Variants in DTYMK observed in about 807,000 individuals in gnomAD.
DTYMK encodes deoxythymidylate kinase, also known as thymidylate kinase.
A neutral mutation model predicts 20.3 loss-of-function variants in DTYMK; 20 were observed. The ratio of observed to expected loss-of-function variants is 0.99; its 90% CI spans 0.69 to 1.43. The LOEUF is 1.43. Among genes scored for constraint, DTYMK ranks in the 40% most tolerant of loss-of-function variants. The probability of loss-of-function intolerance (pLI) is 0.00; values close to 1 mark genes in which losing one functional copy is unlikely to be tolerated. For synonymous variants in DTYMK, 148 were observed against 124.4 expected (o/e 1.19, Z -1.27); for missense variants, 320 against 291.1 (o/e 1.10, Z -0.72).
At chr2:241,685,993 A>G in intron 1 of DTYMK, 116 bp from the exon 2 acceptor site, 1 of 1,078,042 alleles carries the variant, frequency 9.3e-7, no homozygotes, top group Non-Finnish European at 1.3e-6. Context: ...ATTTTACTTT[A>G]CTAAATCTCT....
At chr2:241,681,580 G>T (rs1311696496) in intron 2 of DTYMK, among the ~76,000 whole-genome samples, 2 of 152,166 alleles carry the variant, frequency 1.3e-5, no homozygotes, top group Non-Finnish European at 2.9e-5. Context: ...AATGTAAAAT[G>T]CAAAACTATG....
At chr2:241,680,100 G>T in intron 3 of DTYMK, 129 bp downstream of exon 3, 2 of 795,302 alleles carry the variant, frequency 2.5e-6, no homozygotes, top group South Asian at 3.6e-5. Context: ...CTAGCAAAGA[G>T]ATAAAAGGAA....
intron 2 of DTYMK, among the ~76,000 whole-genome samples, chr2:241,680,765 T>C (rs2069240081): frequency 6.6e-6 from 1 of 152,104 alleles, no homozygotes; most frequent in Non-Finnish European, 1.5e-5. Context: ...TTACTTTTAA[T>C]CCAAAAAGGT....
intron 2 of DTYMK, among the ~76,000 whole-genome samples, chr2:241,684,057 CA>C (rs989749744): frequency 2.0e-5 from 3 of 150,372 alleles, no homozygotes; most frequent in Non-Finnish European, 4.4e-5. Flanking sequence ...ACTCTTGTCT[CA>C]AAAAAAACCA....
chr2:241,686,000 C>T, intron 1 of DTYMK, 123 bp from the exon 2 acceptor site: 1 of 924,294 alleles, frequency 1.1e-6, no homozygotes, highest in Non-Finnish European at 1.6e-6. Flanking sequence ...TTTACTAAAT[C>T]TCTAGACAGG....
At chr2:241,684,389 C>G (rs1265828744) in intron 2 of DTYMK, among the ~76,000 whole-genome samples, 2 of 152,162 alleles carry the variant, frequency 1.3e-5, no homozygotes, top group Admixed American at 6.6e-5. Context: ...GTGGGGACAG[C>G]CTTTCCAAGC....
chr2:241,681,544 A>G (rs2069257803), intron 2 of DTYMK, among the ~76,000 whole-genome samples: 1 of 152,140 alleles, frequency 6.6e-6, no homozygotes. Flanking sequence ...TGGGGGAAAA[A>G]AAAGACAAAA....
intron 2 of DTYMK, chr2:241,685,055 G>C (rs571214612): frequency 5.6e-6 from 1 of 180,054 alleles, no homozygotes; most frequent in Non-Finnish European, 1.2e-5. Context: ...AAAATTAGCC[G>C]GGCTTGGTAG....
At chr2:241,679,474 A>G (rs970994969) in intron 3 of DTYMK, among the ~76,000 whole-genome samples, 5 of 152,232 alleles carry the variant, frequency 3.3e-5, no homozygotes, top group African/African-American at 1.2e-4. Context: ...GCAGAATTAA[A>G]AAGTGAGGGC....
intron 4 of DTYMK, among the ~76,000 whole-genome samples, chr2:241,677,802 C>G (rs1283789417): frequency 6.6e-6 from 1 of 152,218 alleles, no homozygotes; most frequent in Non-Finnish European, 1.5e-5. Flanking sequence ...CTTAGATGGC[C>G]AGGTGCTGCT....
At chr2:241,681,233 A>G (rs1318109905) in intron 2 of DTYMK, among the ~76,000 whole-genome samples, 1 of 152,252 alleles carries the variant, frequency 6.6e-6, no homozygotes, top group Non-Finnish European at 1.5e-5. Flanking sequence ...TTCAAATCAC[A>G]GGGGCACCCA....
chr2:241,679,967 T>TC (rs11404958), intron 3 of DTYMK, among the ~76,000 whole-genome samples: 51,057 of 120,964 alleles, frequency 0.42, 9,155 homozygotes, highest in Middle Eastern at 0.55. Flanking sequence ...AGAGACTGTC[T>TC]CCCCAAAAAA....
At chr2:241,679,594 T>G (rs113939276) in intron 3 of DTYMK, among the ~76,000 whole-genome samples, 1,834 of 152,092 alleles carry the variant, frequency 0.012, 48 homozygotes, top group African/African-American at 0.042. Context: ...TGTTCCACTG[T>G]ACTCCAGCCT....
In DTYMK at chr2:241,675,753, GGTC is replaced by G. The variant is rs1486311476; in HGVS notation, c.*371_*373del. ...TGAAGCGTTCCACAAACAATTTTCAGGTCGTTTTTTACTAGTGTCTGGAAGACA... is the reference window on the plus strand; with the variant it reads ...TGAAGCGTTCCACAAACAATTTTCAGGTTTTTTACTAGTGTCTGGAAGACA... On this transcript the variant is annotated 3_prime_UTR_variant, in exon 5 of 5. Transcript: ENST00000305784. 1 of 158,058 alleles carries G rather than the reference GGTC, an allele frequency of 6.3e-6. No homozygotes were observed. Among genetic ancestry groups the G allele is most frequent in the African/African-American group, 2.4e-5 (1 of 41,704 alleles). 9.8% of individuals were successfully genotyped at this position (158,058 alleles called of 1,614,324 possible). A position where few individuals can be genotyped will look rare whatever the true frequency, so the allele number is the denominator to read the frequency against.
intron 3 of DTYMK, among the ~76,000 whole-genome samples, chr2:241,678,880 G>A (rs1045132013): frequency 7.2e-5 from 11 of 152,154 alleles, no homozygotes; most frequent in African/African-American, 1.7e-4. Flanking sequence ...TAGATAGAAC[G>A]GCTGCCAGTC....
At chr2:241,678,202 G>A (rs4076641) in intron 4 of DTYMK, among the ~76,000 whole-genome samples, 29,979 of 151,852 alleles carry the variant, frequency 0.2, 3,295 homozygotes, top group East Asian at 0.28. Flanking sequence ...CCCAAGAAGC[G>A]GAGGTTGCAG....
rs2069104487 is a variant in DTYMK, at chr2:241,676,018, G to C, written c.*109C>G. On this transcript the variant is annotated 3_prime_UTR_variant, in exon 5 of 5. Coordinates refer to ENST00000305784, the MANE Select transcript of DTYMK (RefSeq NM_012145.4). The stretch of plus-strand genomic sequence containing the variant: ...CCTGCAGATCTCTGCTGCCGGGAAA[G>C]AGCTCCTGAAGTTGTGGGGTCTGGA... 3.8e-6 allele frequency: 4 copies of C among 1,056,694 alleles called. No individual in the cohort carries two copies. Among genetic ancestry groups the C allele is most frequent in the South Asian group, 1.7e-5 (1 of 58,094 alleles). The allele number at this position is 1,056,694 out of a possible 1,614,324, so 65.5% of individuals were successfully genotyped here. A position where few individuals can be genotyped will look rare whatever the true frequency, so the allele number is the denominator to read the frequency against.
chr2:241,678,800 A>C, intron 3 of DTYMK, 151 bp from the exon 4 acceptor site: 1 of 892,922 alleles, frequency 1.1e-6, no homozygotes, highest in Non-Finnish European at 1.7e-6. Flanking sequence ...TTAGAACCTC[A>C]AACGTGTCGG....
At chr2:241,676,480 G>A (rs983536265) in intron 4 of DTYMK, among the ~76,000 whole-genome samples, 8 of 152,180 alleles carry the variant, frequency 5.3e-5, no homozygotes, top group South Asian at 2.1e-4. Flanking sequence ...ACCATGTTTC[G>A]TTCTGTCCTC....
Sources: allele counts gnomAD v4.1 joint callset (sites outside exome capture counted in the v4.1 genomes callset), GRCh38; gene constraint gnomAD v4.1.1; transcripts MANE v1.5; gene names NCBI Gene and HGNC (gene_info 2026-07-23, HGNC 2026-07-21).